The following KCNAB1 variants were observed in gnomAD, a reference collection of about 807,000 sequenced individuals.
KCNAB1 encodes potassium voltage-gated channel subfamily A regulatory beta subunit 1.
Under a neutral mutation model 64.6 loss-of-function variants are expected in KCNAB1, and 35 were observed. The ratio of observed to expected loss-of-function variants is 0.54; its 90% CI spans 0.41 to 0.72. KCNAB1 has a LOEUF of 0.72. KCNAB1 is among the 30% of genes least tolerant of loss of function. KCNAB1 has a pLI of 0.00. For synonymous variants in KCNAB1, 177 were observed against 183.8 expected (o/e 0.96, Z 0.30); for missense variants, 401 against 512.9 (o/e 0.78, Z 2.11).
At chr3:156,154,639 T>C (rs945181548) in intron 1 of KCNAB1, among the ~76,000 whole-genome samples, 4 of 152,210 alleles carry the variant, frequency 2.6e-5, no homozygotes, top group Non-Finnish European at 5.9e-5. Context: ...ACTGAAACAC[T>C]CTTTCACTGG....
intron 1 of KCNAB1, among the ~76,000 whole-genome samples, chr3:156,183,803 G>A (rs1159655838): frequency 6.6e-6 from 1 of 152,080 alleles, no homozygotes; most frequent in Non-Finnish European, 1.5e-5. Context: ...ATGCCATCTG[G>A]GCCTCCCAGG....
chr3:156,127,622 C>T (rs1440071521), intron 1 of KCNAB1, among the ~76,000 whole-genome samples: 1 of 152,104 alleles, frequency 6.6e-6, no homozygotes, highest in African/African-American at 2.4e-5. Flanking sequence ...CTAGTAGCAG[C>T]CTCTGGGGAG....
intron 1 of KCNAB1, among the ~76,000 whole-genome samples, chr3:156,384,327 T>C (rs1712405118): frequency 6.6e-6 from 1 of 152,194 alleles, no homozygotes; most frequent in African/African-American, 2.4e-5. Context: ...CTGAGTGAAC[T>C]CTTTGCCTGA....
intron 1 of KCNAB1, among the ~76,000 whole-genome samples, chr3:156,264,367 A>C (rs1056788012): frequency 6.6e-6 from 1 of 152,010 alleles, no homozygotes; most frequent in Admixed American, 6.5e-5. Context: ...CATTTAGACT[A>C]TGAAGGTTTA....
intron 1 of KCNAB1, among the ~76,000 whole-genome samples, chr3:156,319,094 G>A (rs1039151607): frequency 2.6e-5 from 4 of 152,054 alleles, no homozygotes; most frequent in African/African-American, 9.7e-5. Context: ...ATAGCCCAAA[G>A]CTTTACAATT....
intron 1 of KCNAB1, among the ~76,000 whole-genome samples, chr3:156,406,987 G>T (rs954393334): frequency 6.6e-6 from 1 of 152,178 alleles, no homozygotes; most frequent in Non-Finnish European, 1.5e-5. Flanking sequence ...GAGTATCAGT[G>T]TTCTTCTAAA....
At position 156,248,469 on chromosome 3, in the gene KCNAB1, ATTTT is replaced by A. The variant is rs33915450; in HGVS notation, c.275+127603_275+127606del. Among the ~76,000 whole-genome samples, 435 of 100,108 alleles carry A rather than the reference ATTTT, an allele frequency of 4.3e-3. 3 individuals are homozygous for A. Among genetic ancestry groups the A allele is most frequent in the African/African-American group, 0.016 (401 of 25,652 alleles). 65.7% of individuals were successfully genotyped at this position (100,108 alleles called of 152,430 possible). On this transcript the variant is annotated intron_variant, in intron 1 of 13. Transcript: ENST00000490337. ...CATAGTTGTGGAGGCCTGTAATGAG[ATTTT>A]TTTTTTTTTTTTTTTTTTTGGTAAC...
At chr3:156,514,986 T>C in intron 9 of KCNAB1, 114 bp from the exon 10 acceptor site, 1 of 1,050,026 alleles carries the variant, frequency 9.5e-7, no homozygotes, top group Non-Finnish European at 1.3e-6. Context: ...GCATCCTACA[T>C]GTTTCTTGGT....
At chr3:156,433,153 G>A (rs78432612) in intron 2 of KCNAB1, among the ~76,000 whole-genome samples, 4,549 of 152,288 alleles carry the variant, frequency 0.03, 202 homozygotes, top group African/African-American at 0.1. Flanking sequence ...ACACACAGAT[G>A]CCTGCCCTCA....
intron 1 of KCNAB1, among the ~76,000 whole-genome samples, chr3:156,270,234 C>T (rs926609298): frequency 3.3e-5 from 5 of 151,948 alleles, no homozygotes; most frequent in East Asian, 1.9e-4. Context: ...TTTAATCCAT[C>T]GAGGCACTCT....
At chr3:156,294,247 T>C (rs1341346982) in intron 1 of KCNAB1, among the ~76,000 whole-genome samples, 1 of 152,224 alleles carries the variant, frequency 6.6e-6, no homozygotes, top group Non-Finnish European at 1.5e-5. Flanking sequence ...GATAGTTCTC[T>C]AACAAAAAGT....
At chr3:156,437,236 A>G (rs1024657123) in intron 2 of KCNAB1, among the ~76,000 whole-genome samples, 2 of 152,204 alleles carry the variant, frequency 1.3e-5, no homozygotes, top group Non-Finnish European at 2.9e-5. Context: ...AACCACATGA[A>G]AACAGTGGAT....
chr3:156,312,731 A>AAAAAC (rs1722007557), intron 1 of KCNAB1, among the ~76,000 whole-genome samples: 2 of 144,526 alleles, frequency 1.4e-5, no homozygotes, highest in African/African-American at 5.4e-5. Flanking sequence ...AAAAAAAAAA[A>AAAAAC]CTCATAATAA....
At chr3:156,139,589 T>G (rs969175815) in intron 1 of KCNAB1, among the ~76,000 whole-genome samples, 60 of 139,590 alleles carry the variant, frequency 4.3e-4, no homozygotes, top group Middle Eastern at 3.6e-3. Context: ...ACTGTGTTTT[T>G]TTTTTTTTTT....
intron 1 of KCNAB1, among the ~76,000 whole-genome samples, chr3:156,127,031 A>G (rs1217897660): frequency 6.6e-6 from 1 of 152,212 alleles, no homozygotes; most frequent in African/African-American, 2.4e-5. Flanking sequence ...TGGGCATAAA[A>G]ATATCTAGCT....
intron 2 of KCNAB1, among the ~76,000 whole-genome samples, chr3:156,432,439 T>C (rs1356838450): frequency 6.6e-6 from 1 of 152,110 alleles, no homozygotes; most frequent in Non-Finnish European, 1.5e-5. Context: ...ATGATGAAAA[T>C]ATGCAAAGAA....
intron 1 of KCNAB1, among the ~76,000 whole-genome samples, chr3:156,413,372 C>G (rs1419579485): frequency 6.6e-6 from 1 of 152,166 alleles, no homozygotes; most frequent in Non-Finnish European, 1.5e-5. Context: ...AAATGAGTTG[C>G]CCCTAAGTAC....
intron 1 of KCNAB1, among the ~76,000 whole-genome samples, chr3:156,167,746 T>C (rs1181033455): frequency 6.6e-6 from 1 of 152,150 alleles, no homozygotes; most frequent in East Asian, 1.9e-4. Context: ...TATAAGGTGA[T>C]ATGGTGTGGG....
At chr3:156,329,357 G>A (rs13317606) in intron 1 of KCNAB1, among the ~76,000 whole-genome samples, 2 of 152,132 alleles carry the variant, frequency 1.3e-5, no homozygotes, top group East Asian at 1.9e-4. Flanking sequence ...GGGCAGGGGT[G>A]GGGGAGCAGG....
Sources: gnomAD v4.1 joint callset for allele counts (sites outside exome capture counted in the v4.1 genomes callset) on GRCh38, gnomAD v4.1.1 for gene constraint, MANE v1.5 for transcripts, NCBI Gene and HGNC (gene_info 2026-07-23, HGNC 2026-07-21) for gene names.